DCUN1D4: variants seen among roughly 807,000 people sequenced by gnomAD.
DCUN1D4 encodes defective in cullin neddylation 1 domain containing 4.
DCUN1D4 carries 22 observed loss-of-function variants against 47.9 expected under a neutral mutation model. That is an observed-to-expected ratio of 0.46 (90% CI 0.33 to 0.66). The LOEUF is 0.66. Ranked by LOEUF, DCUN1D4 falls within the 30% of genes least tolerant of loss-of-function variation. DCUN1D4 has a pLI of 0.02. For synonymous variants in DCUN1D4, 121 were observed against 112.2 expected, an observed-to-expected ratio of 1.08 and a Z score of -0.50; for missense variants, 301 against 340.8, an observed-to-expected ratio of 0.88 and a Z score of 0.92.
intron 1 of DCUN1D4, among the ~76,000 whole-genome samples, chr4:51,849,752 G>A (rs373303387): frequency 1.6e-4 from 24 of 152,136 alleles, no homozygotes; most frequent in African/African-American, 5.3e-4. Flanking sequence ...TCCCCCAAAA[G>A]TTGGGATGCC....
At chr4:51,850,906 G>A (rs1321014668) in intron 1 of DCUN1D4, among the ~76,000 whole-genome samples, 1 of 152,154 alleles carries the variant, frequency 6.6e-6, no homozygotes, top group African/African-American at 2.4e-5. Flanking sequence ...TGGGGAGCAG[G>A]CCTATATTTG....
chr4:51,859,155 G>C (rs1724618607), intron 1 of DCUN1D4, among the ~76,000 whole-genome samples: 1 of 152,138 alleles, frequency 6.6e-6, no homozygotes, highest in Non-Finnish European at 1.5e-5. Flanking sequence ...GCATTAATTT[G>C]TGGTTTAGTG....
At chr4:51,899,187 G>A (rs924065492) in intron 7 of DCUN1D4, 83 bp from the exon 8 acceptor site, 45 of 1,430,562 alleles carry the variant, frequency 3.1e-5, no homozygotes, top group Non-Finnish European at 3.6e-5. Context: ...CTTTCCTTTG[G>A]TATTGTGTTT....
At chr4:51,847,743 T>A (rs541187782) in intron 1 of DCUN1D4, among the ~76,000 whole-genome samples, 1 of 152,100 alleles carries the variant, frequency 6.6e-6, no homozygotes, top group East Asian at 1.9e-4. Context: ...TGCACGCCAC[T>A]GCACCCGGCT....
At chr4:51,883,311 G>T (rs1728976991) in intron 5 of DCUN1D4, among the ~76,000 whole-genome samples, 1 of 152,072 alleles carries the variant, frequency 6.6e-6, no homozygotes, top group African/African-American at 2.4e-5. Context: ...TGTCTTATCT[G>T]GTAAAGAAAG....
intron 8 of DCUN1D4, among the ~76,000 whole-genome samples, chr4:51,901,655 G>C (rs141938800): frequency 1.3e-5 from 2 of 152,252 alleles, no homozygotes; most frequent in African/African-American, 4.8e-5. Context: ...TCAGCCTGTC[G>C]GGGTGGGATT....
At chr4:51,871,764 A>G (rs889253620) in intron 3 of DCUN1D4, among the ~76,000 whole-genome samples, 1 of 152,266 alleles carries the variant, frequency 6.6e-6, no homozygotes, top group Non-Finnish European at 1.5e-5. Flanking sequence ...TAGGGCATTA[A>G]TAGATATGAA....
In DCUN1D4 at chr4:51,886,822, T is replaced by C. The variant is rs1577978869; in HGVS notation, c.414+184T>C. 31 of 578,626 alleles carry C rather than the reference T, an allele frequency of 5.4e-5. No homozygotes were observed. In the East Asian group the frequency reaches 8.7e-4, roughly 16 times the overall value. 35.8% of individuals were successfully genotyped at this position (578,626 alleles called of 1,614,324 possible). A position where few individuals can be genotyped will look rare whatever the true frequency, so the allele number is the denominator to read the frequency against. Reference sequence around the variant, plus strand: ...AGATTCTCCATTCTTGTAAGTGATATGGTGTAACTACAGTTATTTTTTCTC... The same window carrying C: ...AGATTCTCCATTCTTGTAAGTGATACGGTGTAACTACAGTTATTTTTTCTC... On this transcript the variant is annotated intron_variant, in intron 6 of 10. Transcript: ENST00000334635.
At chr4:51,912,223 T>C (rs1733816611) in intron 9 of DCUN1D4, among the ~76,000 whole-genome samples, 1 of 152,168 alleles carries the variant, frequency 6.6e-6, no homozygotes, top group Admixed American at 6.6e-5. Flanking sequence ...ATAGAAATAG[T>C]TCCCTGTTCT....
chr4:51,843,085 C>CTGAGCCGCGGT, upstream of DCUN1D4: 3 of 1,415,294 alleles, frequency 2.1e-6, no homozygotes, highest in Non-Finnish European at 2.8e-6. Flanking sequence ...AGGGCGGCCC[C>CTGAGCCGCGGT]TGAGCCGCGG....
intron 7 of DCUN1D4, among the ~76,000 whole-genome samples, chr4:51,896,533 G>T (rs1346911259): frequency 6.6e-6 from 1 of 151,956 alleles, no homozygotes. Context: ...GGGTTACCCA[G>T]TTTCCCTCCT....
intron 5 of DCUN1D4, among the ~76,000 whole-genome samples, chr4:51,882,621 G>T (rs1236458453): frequency 6.6e-6 from 1 of 152,056 alleles, no homozygotes; most frequent in Non-Finnish European, 1.5e-5. Context: ...CAAAAAATTA[G>T]TCGGGCGTGG....
chr4:51,892,855 T>C (rs1419028177), intron 7 of DCUN1D4, among the ~76,000 whole-genome samples: 1 of 152,254 alleles, frequency 6.6e-6, no homozygotes, highest in Non-Finnish European at 1.5e-5. Flanking sequence ...TGACTTTCTT[T>C]TCACTTTAGG....
At chr4:51,867,035 G>A (rs1172904189) in intron 3 of DCUN1D4, among the ~76,000 whole-genome samples, 2 of 152,240 alleles carry the variant, frequency 1.3e-5, no homozygotes, top group African/African-American at 4.8e-5. Flanking sequence ...GGGTGAGCAA[G>A]CACCCGCTCC....
At chr4:51,897,249 A>C (rs1731407412) in intron 7 of DCUN1D4, among the ~76,000 whole-genome samples, 1 of 152,362 alleles carries the variant, frequency 6.6e-6, no homozygotes, top group South Asian at 2.1e-4. Flanking sequence ...TAGAAATTAA[A>C]CATTTAATAT....
rs1452864823 is a variant in DCUN1D4, at chr4:51,850,570, A to G, written c.25+7303A>G. On this transcript the variant is annotated intron_variant, in intron 1 of 10. Coordinates refer to ENST00000334635, the MANE Select transcript of DCUN1D4 (RefSeq NM_001040402.3). ...AAAAATTGCCTGTTGAAGGCTGTTC[A>G]GTCACCAAGTGTTTATTGGGTATCT... Among the ~76,000 whole-genome samples, 4 of 152,342 alleles carry G rather than the reference A, an allele frequency of 2.6e-5. No homozygotes were observed. The East Asian group carries it at 7.7e-4, about 29-fold the overall frequency.
At chr4:51,866,376 T>G (rs1357497755) in intron 3 of DCUN1D4, among the ~76,000 whole-genome samples, 1 of 149,082 alleles carries the variant, frequency 6.7e-6, no homozygotes, top group Non-Finnish European at 1.5e-5. Flanking sequence ...AACCAAATTA[T>G]GGTGATGATG....
chr4:51,885,273 C>T (rs1729283480), intron 5 of DCUN1D4, among the ~76,000 whole-genome samples: 1 of 152,008 alleles, frequency 6.6e-6, no homozygotes, highest in Non-Finnish European at 1.5e-5. Context: ...CTGTAGTTGT[C>T]AAGAATAAAG....
intron 3 of DCUN1D4, among the ~76,000 whole-genome samples, chr4:51,867,291 A>G (rs1389229541): frequency 1.3e-5 from 2 of 152,206 alleles, no homozygotes; most frequent in African/African-American, 4.8e-5. Flanking sequence ...CAAGGAGCCC[A>G]TAGGTCTAGG....
Sources: gnomAD v4.1 joint callset for allele counts (sites outside exome capture counted in the v4.1 genomes callset) on GRCh38, gnomAD v4.1.1 for gene constraint, MANE v1.5 for transcripts, NCBI Gene and HGNC (gene_info 2026-07-23, HGNC 2026-07-21) for gene names.